Variants in ADGRL3 observed in about 807,000 individuals in gnomAD.
ADGRL3 encodes the protein calcium-independent alpha-latrotoxin receptor 3.
ADGRL3 carries 62 observed loss-of-function variants against 153.5 expected under a neutral mutation model. The ratio of observed to expected loss-of-function variants is 0.40; its 90% CI spans 0.33 to 0.50. The LOEUF (loss-of-function observed/expected upper bound fraction) is 0.50, where lower values mean the gene tolerates loss of function less well. ADGRL3 is among the 20% of genes least tolerant of loss of function. The pLI, the probability that ADGRL3 is intolerant of heterozygous loss-of-function variation, is 0.47. For synonymous variants in ADGRL3, 710 were observed against 672.5 expected, an observed-to-expected ratio of 1.06 and a Z score of -0.86; for missense variants, 1,641 against 1,859.4, an observed-to-expected ratio of 0.88 and a Z score of 2.16.
intron 8 of ADGRL3, among the ~76,000 whole-genome samples, chr4:61,736,393 C>G (rs2096513453): frequency 6.6e-6 from 1 of 152,270 alleles, no homozygotes; most frequent in African/African-American, 2.4e-5. Flanking sequence ...GTGGCTCTTG[C>G]CTGTAATCCC....
chr4:61,911,428 T>C (rs1464998295), intron 12 of ADGRL3, among the ~76,000 whole-genome samples: 1 of 152,186 alleles, frequency 6.6e-6, no homozygotes, highest in Non-Finnish European at 1.5e-5. Flanking sequence ...GTTTATATAA[T>C]GTGGTTTGTC....
intron 8 of ADGRL3, among the ~76,000 whole-genome samples, chr4:61,755,071 A>G (rs944189963): frequency 3.3e-5 from 5 of 152,322 alleles, no homozygotes; most frequent in South Asian, 2.1e-4. Context: ...TAGTGCTGCA[A>G]TAAACATATG....
rs553018007 is a variant in ADGRL3, at chr4:61,291,384, G to A, written c.-240+89619G>A. Among the ~76,000 whole-genome samples, 37 of 151,882 alleles carry A rather than the reference G, an allele frequency of 2.4e-4. No homozygotes were observed. The South Asian group carries it at 7.7e-3, about 32-fold the overall frequency. On this transcript the variant is annotated intron_variant, in intron 1 of 26. Transcript: ENST00000683033. ...CAATGATTTATGTAGCATTTACAAT[G>A]TATTAGGTATTGTAAATTATCTAGA... is the stretch of plus-strand genomic sequence containing the variant.
At chr4:61,623,324 C>T (rs1340224577) in intron 5 of ADGRL3, among the ~76,000 whole-genome samples, 1 of 151,998 alleles carries the variant, frequency 6.6e-6, no homozygotes, top group East Asian at 1.9e-4. Context: ...TCCAAGAGAC[C>T]ATCCCAATCA....
intron 5 of ADGRL3, among the ~76,000 whole-genome samples, chr4:61,641,038 T>C (rs1182542921): frequency 1.3e-5 from 2 of 152,138 alleles, no homozygotes; most frequent in African/African-American, 4.8e-5. Context: ...AATATTGAAA[T>C]TGAAAAGAAC....
intron 23 of ADGRL3, among the ~76,000 whole-genome samples, chr4:62,033,165 T>C (rs1723082565): frequency 6.6e-6 from 1 of 151,772 alleles, no homozygotes; most frequent in Admixed American, 6.6e-5. Context: ...TATGATATTA[T>C]AGTCCTCTTG....
intron 2 of ADGRL3, among the ~76,000 whole-genome samples, chr4:61,422,432 T>A (rs1387512769): frequency 1.3e-5 from 2 of 152,206 alleles, no homozygotes; most frequent in Admixed American, 6.5e-5. Context: ...TGTGAATGTA[T>A]ACTAACATAT....
rs1231828000 is a variant in ADGRL3, at chr4:62,074,724, AAATT to A, written c.*3819_*3822del. On this transcript the variant is annotated 3_prime_UTR_variant, in exon 27 of 27. Transcript: ENST00000683033. Reference sequence around the variant, plus strand: ...TGTAAAAAAAATTCACATTGACTCTAAATTAAGATGTAGTTTATCATCTGTATTT... The same window carrying A: ...TGTAAAAAAAATTCACATTGACTCTAAAGATGTAGTTTATCATCTGTATTT... The A allele has an allele frequency of 6.6e-6, 1 of 152,178 alleles. No homozygotes were observed. Among genetic ancestry groups the A allele is most frequent in the African/African-American group, 2.4e-5 (1 of 41,460 alleles). 9.4% of individuals were successfully genotyped at this position (152,178 alleles called of 1,614,324 possible). A position where few individuals can be genotyped will look rare whatever the true frequency, so the allele number is the denominator to read the frequency against.
intron 9 of ADGRL3, among the ~76,000 whole-genome samples, chr4:61,871,235 A>G (rs951061428): frequency 3.3e-5 from 5 of 151,688 alleles, no homozygotes; most frequent in East Asian, 1.9e-4. Context: ...CAGAGATCGC[A>G]CCACTGCACT....
chr4:61,293,948 T>C (rs1408430530), intron 1 of ADGRL3, among the ~76,000 whole-genome samples: 1 of 152,090 alleles, frequency 6.6e-6, no homozygotes, highest in South Asian at 2.1e-4. Context: ...ACTTAAGAGC[T>C]TTGCATAGTG....
At chr4:61,818,301 C>T (rs1207707677) in intron 9 of ADGRL3, among the ~76,000 whole-genome samples, 4 of 152,168 alleles carry the variant, frequency 2.6e-5, no homozygotes, top group Non-Finnish European at 5.9e-5. Context: ...CTTAAAGCTC[C>T]TTTGCCTCCA....
intron 8 of ADGRL3, among the ~76,000 whole-genome samples, chr4:61,807,851 A>T (rs1476987018): frequency 1.3e-5 from 2 of 152,080 alleles, no homozygotes; most frequent in African/African-American, 4.8e-5. Context: ...TATAGCCCCA[A>T]ATTGATTGTT....
intron 19 of ADGRL3, among the ~76,000 whole-genome samples, chr4:61,994,250 C>G (rs924902662): frequency 6.6e-6 from 1 of 152,096 alleles, no homozygotes; most frequent in African/African-American, 2.4e-5. Context: ...TGGGCTCAAG[C>G]CATCCTTCCA....
intron 5 of ADGRL3, among the ~76,000 whole-genome samples, chr4:61,664,733 G>T (rs188310027): frequency 2.0e-5 from 3 of 152,076 alleles, no homozygotes; most frequent in Admixed American, 6.5e-5. Context: ...TTTTTATAGG[G>T]TTCAGGTTTA....
chr4:61,480,674 T>C (rs1004580068), intron 2 of ADGRL3, among the ~76,000 whole-genome samples: 1 of 151,868 alleles, frequency 6.6e-6, no homozygotes, highest in Non-Finnish European at 1.5e-5. Flanking sequence ...GCCCAGCTAC[T>C]CGGGAGACTG....
chr4:61,364,345 A>T (rs868400662), intron 1 of ADGRL3, among the ~76,000 whole-genome samples: 1,465 of 140,362 alleles, frequency 0.01, 24 homozygotes, highest in African/African-American at 0.037. Flanking sequence ...AAAAAAAAAA[A>T]ATAATAATAA....
chr4:61,369,068 C>T (rs2096466672), intron 1 of ADGRL3, among the ~76,000 whole-genome samples: 1 of 152,126 alleles, frequency 6.6e-6, no homozygotes, highest in Non-Finnish European at 1.5e-5. Flanking sequence ...GTGATTTGTG[C>T]ACATTGATTT....
At chr4:61,597,827 T>G (rs1370021194) in intron 5 of ADGRL3, among the ~76,000 whole-genome samples, 2 of 152,110 alleles carry the variant, frequency 1.3e-5, no homozygotes, top group African/African-American at 4.8e-5. Context: ...TTTATCTTCT[T>G]TCTCTCTCCA....
intron 2 of ADGRL3, among the ~76,000 whole-genome samples, chr4:61,421,915 G>A (rs1005796589): frequency 6.6e-5 from 10 of 152,018 alleles, no homozygotes; most frequent in Admixed American, 4.6e-4. Flanking sequence ...TTCCTGCACC[G>A]CTTTTTGGTC....
Sources: allele counts gnomAD v4.1 joint callset (sites outside exome capture counted in the v4.1 genomes callset), GRCh38; gene constraint gnomAD v4.1.1; transcripts MANE v1.5; gene names NCBI Gene and HGNC (gene_info 2026-07-23, HGNC 2026-07-21).